The following MICALL1 variants were observed in gnomAD, a reference collection of about 807,000 sequenced individuals.
MICALL1 encodes the protein MICAL like 1.
MICALL1 carries 61 observed loss-of-function variants against 83.7 expected under a neutral mutation model. The ratio of observed to expected loss-of-function variants is 0.73; its 90% CI spans 0.59 to 0.90. MICALL1 has a LOEUF of 0.90. Among genes scored for constraint, MICALL1 ranks in the 40% least tolerant of loss-of-function variants. The probability of loss-of-function intolerance (pLI) is 0.00; values close to 1 mark genes in which losing one functional copy is unlikely to be tolerated. For synonymous variants in MICALL1, 481 were observed against 473.6 expected, an observed-to-expected ratio of 1.02 and a Z score of -0.20; for missense variants, 1,066 against 1,152.0, an observed-to-expected ratio of 0.93 and a Z score of 1.08.
intron 5 of MICALL1, among the ~76,000 whole-genome samples, chr22:37,919,671 A>G (rs1055324455): frequency 6.6e-6 from 1 of 150,528 alleles, no homozygotes; most frequent in African/African-American, 2.4e-5. Context: ...TTGAAAAAAT[A>G]AAATGAAATA....
At position 37,932,420 on chromosome 22, in the gene MICALL1, C is replaced by T. The variant is rs1347016516; in HGVS notation, c.2017-133C>T. On this transcript the variant is annotated intron_variant, in intron 10 of 15. Coordinates refer to ENST00000215957, the MANE Select transcript of MICALL1 (RefSeq NM_033386.4). The surrounding 1 kb of genome is among the most constrained non-coding windows in gnomAD (Gnocchi z 4.4). ...GGCCCCTTCCCCACTGGGACCCTGC[C>T]TTCTTACCATGCTGGGGTGGGGGAC... is the stretch of plus-strand genomic sequence containing the variant. The T allele has an allele frequency of 1.4e-6, 2 of 1,428,338 alleles. No homozygotes were observed. Among genetic ancestry groups the T allele is most frequent in the African/African-American group, 2.8e-5 (2 of 70,402 alleles). 88.5% of individuals were successfully genotyped at this position (1,428,338 alleles called of 1,614,324 possible). A position where few individuals can be genotyped will look rare whatever the true frequency, so the allele number is the denominator to read the frequency against.
Position 37,918,415 on chromosome 22 carries a change from GCTC to G in MICALL1, c.427-619_427-617del, listed in dbSNP as rs770852002. On this transcript the variant is annotated intron_variant, in intron 4 of 15. Transcript: ENST00000215957. ...AGTGTGTAAAGGGCCTTCCCCTCCT[GCTC>G]CCATCTGCTCTTTGCTGGAGGGAGC... is the stretch of plus-strand genomic sequence containing the variant. Among the ~76,000 whole-genome samples the G allele has an allele frequency of 1.4e-3, 214 of 152,300 alleles. 1 individual carries two copies. Among genetic ancestry groups the G allele is most frequent in the Admixed American group, 2.4e-3 (37 of 15,306 alleles).
Position 37,937,151 on chromosome 22 carries a change from C to A in MICALL1, c.2380C>A (p.Gln794Lys), listed in dbSNP as rs528498813. 1.3e-6 allele frequency: 2 copies of A among 1,551,132 alleles called. No individual in the cohort carries two copies. Among genetic ancestry groups the A allele is most frequent in the Admixed American group, 2.0e-5 (1 of 50,904 alleles). Reference sequence around the variant, plus strand: ...GCAGGAGCTTGTGACCCTCATTGAGCAGCGCAACGCTATCATCAACTGCCT... The same window carrying A: ...GCAGGAGCTTGTGACCCTCATTGAGAAGCGCAACGCTATCATCAACTGCCT... ...LMQELVTLIE[Q>K]RNAIINCLDE... The change falls in exon 14 of 16, where the codon CAG (glutamine) becomes AAG (lysine). Residue 794 changes from glutamine to lysine, a missense_variant. Physicochemically the swap from Gln to Lys is moderately conservative, Grantham distance 53. Transcript: ENST00000215957.
rs1569142851 is a variant in MICALL1 at position 37,924,692 on chromosome 22, AG to A, written c.1062del (p.Thr355HisfsTer212). 6.2e-7 allele frequency: 1 copy of A among 1,611,884 alleles called. No individual in the cohort carries two copies. The highest frequency in any genetic ancestry group is 8.5e-7 in the Non-Finnish European group (1 of 1,178,912). On this transcript the variant is annotated frameshift_variant, in exon 7 of 16. Coordinates refer to ENST00000215957, the MANE Select transcript of MICALL1 (RefSeq NM_033386.4). LOFTEE classifies it high-confidence loss of function. The surrounding 1 kb of genome is among the most constrained non-coding windows in gnomAD (Gnocchi z 5.2). Reference sequence around the variant, plus strand: ...GCACGAACTGCCTGTCCCCAAGCCGAGGGGGACACCGAAGCCGTCCGAGGGG... The same window carrying A: ...GCACGAACTGCCTGTCCCCAAGCCGAGGGGACACCGAAGCCGTCCGAGGGG... Reference protein sequence around the residue: ...RLHELPVPKPRGTPKPSEGTP... With the variant: ...RLHELPVPKPXGTPKPSEGTP...
Position 37,924,858 on chromosome 22 carries a change from C to A in MICALL1, c.1082+141C>A. 1 of 753,938 alleles carries A rather than the reference C, an allele frequency of 1.3e-6. No homozygotes were observed. The highest frequency in any genetic ancestry group is 2.1e-6 in the Non-Finnish European group (1 of 479,074). The allele number at this position is 753,938 out of a possible 1,614,324, so 46.7% of individuals were successfully genotyped here. A position where few individuals can be genotyped will look rare whatever the true frequency, so the allele number is the denominator to read the frequency against. On this transcript the variant is annotated intron_variant, in intron 7 of 15. Coordinates refer to ENST00000215957, the MANE Select transcript of MICALL1 (RefSeq NM_033386.4). This position sits in a 1 kb window ranked among gnomAD's most constrained non-coding sequence, Gnocchi z 5.2. ...GAGGGGAAGGAGAGCTGGGCCCACA[C>A]CCCTTCTCCTGAGGCTCACCCCGGG...
rs1929833454 is a variant in MICALL1, at chr22:37,932,332, C to T, written c.2017-221C>T. Among the ~76,000 whole-genome samples, 1 of 152,196 alleles carries T rather than the reference C, an allele frequency of 6.6e-6. No homozygotes were observed. Among genetic ancestry groups the T allele is most frequent in the African/African-American group, 2.4e-5 (1 of 41,456 alleles). On this transcript the variant is annotated intron_variant, in intron 10 of 15. Coordinates refer to ENST00000215957, the MANE Select transcript of MICALL1 (RefSeq NM_033386.4). This position sits in a 1 kb window ranked among gnomAD's most constrained non-coding sequence, Gnocchi z 4.4. ...CCGTGAAGGGCAGGGAGTCATGCCACCTTCTGGAGTGTCTGTTGGTGCTGG... is the reference window on the plus strand; with the variant it reads ...CCGTGAAGGGCAGGGAGTCATGCCATCTTCTGGAGTGTCTGTTGGTGCTGG...
intron 1 of MICALL1, among the ~76,000 whole-genome samples, chr22:37,907,705 C>T (rs973907704): frequency 4.6e-5 from 7 of 152,196 alleles, no homozygotes; most frequent in African/African-American, 1.7e-4. Context: ...GCAGGTGCAC[C>T]TGGTTTACCT....
At position 37,922,034 on chromosome 22, in the gene MICALL1, C is replaced by T; in HGVS notation, c.632C>T (p.Thr211Ile). The T allele has an allele frequency of 2.5e-6, 4 of 1,612,760 alleles. No individual in the cohort carries two copies. Among genetic ancestry groups the T allele is most frequent in the East Asian group, 4.5e-5 (2 of 44,876 alleles). Reference protein sequence around the residue: ...GAYENGPEEGTFVCAEHCARL... With the variant: ...GAYENGPEEGIFVCAEHCARL... ...TATGAGAATGGGCCTGAGGAGGGCA[C>T]CTTTGTGTGTGCAGAACACTGTGCC... The change falls in exon 6 of 16, where the codon ACC becomes ATC. Residue 211 changes from threonine to isoleucine, a missense_variant. Transcript: ENST00000215957.
intron 13 of MICALL1, among the ~76,000 whole-genome samples, chr22:37,935,596 A>G (rs1930073268): frequency 1.3e-5 from 2 of 151,916 alleles, no homozygotes; most frequent in South Asian, 4.1e-4. Context: ...TGTGACATCC[A>G]GGCTGAAGTG....
intron 9 of MICALL1, among the ~76,000 whole-genome samples, chr22:37,928,230 G>A (rs752584006): frequency 6.7e-5 from 10 of 149,116 alleles, no homozygotes; most frequent in Non-Finnish European, 1.0e-4. Context: ...TTTTTGAGAC[G>A]GAGTCTCGCT....
Position 37,932,681 on chromosome 22 carries a change from T to C in MICALL1, c.2143+2T>C. The C allele has an allele frequency of 1.2e-6, 2 of 1,613,462 alleles. No homozygotes were observed. Among genetic ancestry groups the C allele is most frequent in the East Asian group, 2.2e-5 (1 of 44,846 alleles). Reference sequence around the variant, plus strand: ...AGAAGCTGCGTGGCGGCCTGAATGGTGCGGGAGCGGCTGGGAGGGCCTGCT... The same window carrying C: ...AGAAGCTGCGTGGCGGCCTGAATGGCGCGGGAGCGGCTGGGAGGGCCTGCT... On this transcript the variant is annotated splice_donor_variant, in intron 11 of 15. Transcript: ENST00000215957. LOFTEE classifies it high-confidence loss of function. This position sits in a 1 kb window ranked among gnomAD's most constrained non-coding sequence, Gnocchi z 4.4.
At position 37,927,419 on chromosome 22, in the gene MICALL1, G is replaced by T. The variant is rs775898321; in HGVS notation, c.1474G>T (p.Ala492Ser). The T allele has an allele frequency of 4.4e-6, 7 of 1,580,912 alleles. No homozygotes were observed. Among genetic ancestry groups the T allele is most frequent in the Non-Finnish European group, 6.0e-6 (7 of 1,163,668 alleles). ...GGTGCTCGTCCGCACAGCTCTCCAC[G>T]CCTCCCGCCTCTCGCACTCGGAGCC... Reference protein sequence around the residue: ...APSASPLALHASRLSHSEPPS... With the variant: ...APSASPLALHSSRLSHSEPPS... The change falls in exon 9 of 16, where the codon GCC becomes TCC. Residue 492 changes from alanine (A) to serine (S), a missense_variant. Transcript: ENST00000215957.
In MICALL1 at chr22:37,942,790, C is replaced by G. The variant is rs776738418; in HGVS notation, c.*1960C>G. 123 of 152,512 alleles carry G rather than the reference C, an allele frequency of 8.1e-4. No individual in the cohort carries two copies. The highest frequency in any genetic ancestry group is 1.5e-3 in the Non-Finnish European group (102 of 68,218). 9.4% of individuals were successfully genotyped at this position (152,512 alleles called of 1,614,324 possible). On this transcript the variant is annotated 3_prime_UTR_variant, in exon 16 of 16. Transcript: ENST00000215957. Reference sequence around the variant, plus strand: ...TGCTGGGATTACAGGCGTGAGCCACCACGCCCGGCCACTAGCCTGAATTTC... The same window carrying G: ...TGCTGGGATTACAGGCGTGAGCCACGACGCCCGGCCACTAGCCTGAATTTC...
At chr22:37,910,847 T>G (rs1928273284) in intron 1 of MICALL1, among the ~76,000 whole-genome samples, 1 of 152,112 alleles carries the variant, frequency 6.6e-6, no homozygotes, top group Non-Finnish European at 1.5e-5. Flanking sequence ...CTTTTCCTGA[T>G]TTGCACATGG....
chr22:37,936,893 A>G (rs1930155708), intron 13 of MICALL1, among the ~76,000 whole-genome samples, 187 bp from the exon 14 acceptor site: 2 of 151,268 alleles, frequency 1.3e-5, no homozygotes, highest in Admixed American at 6.6e-5. Flanking sequence ...CTCCGTCTCA[A>G]AAAAAAAAAC....
At chr22:37,933,244 C>G in intron 13 of MICALL1, 132 bp downstream of exon 13, 13 of 878,676 alleles carry the variant, frequency 1.5e-5, no homozygotes, top group Non-Finnish European at 2.1e-5. Flanking sequence ...GGAGGAGGTG[C>G]GGGGCAGGGC....
chr22:37,922,384 G>A lies in MICALL1; in HGVS notation c.982G>A (p.Glu328Lys). Residue 328 changes from glutamate to lysine, a missense_variant, in exon 6 of 16, where the codon GAG becomes AAG. Transcript: ENST00000215957. ...CCGGCCCCGCTCCAGTCTGCAGCAG[G>A]AGAACCTGGTGGAGCAGGCTGGCAG... ...TPRPRSSLQQENLVEQAGSSS... is the reference protein window; with the variant it reads ...TPRPRSSLQQKNLVEQAGSSS... The A allele has an allele frequency of 2.6e-6, 4 of 1,534,940 alleles. No homozygotes were observed. The highest frequency in any genetic ancestry group is 3.5e-6 in the Non-Finnish European group (4 of 1,143,662).
chr22:37,934,134 G>T (rs1288054607), intron 13 of MICALL1, among the ~76,000 whole-genome samples: 1 of 152,216 alleles, frequency 6.6e-6, no homozygotes, highest in South Asian at 2.1e-4. Context: ...TGGCTAGCCC[G>T]GCCCCAGGGC....
Position 37,930,657 on chromosome 22 carries a change from G to A in MICALL1, c.1882-1142G>A, listed in dbSNP as rs939970937. Among the ~76,000 whole-genome samples the A allele has an allele frequency of 6.6e-6, 1 of 152,246 alleles. No homozygotes were observed. Among genetic ancestry groups the A allele is most frequent in the African/African-American group, 2.4e-5 (1 of 41,476 alleles). ...CCCGTGTGGTGGGCAGGGCCTTGCC[G>A]TGCCCTGGCAGTGGAGCTGCCCGGC... On this transcript the variant is annotated intron_variant, in intron 9 of 15. Coordinates refer to ENST00000215957, the MANE Select transcript of MICALL1 (RefSeq NM_033386.4). This position sits in a 1 kb window ranked among gnomAD's most constrained non-coding sequence, Gnocchi z 4.8.
Sources: allele counts gnomAD v4.1 joint callset (sites outside exome capture counted in the v4.1 genomes callset), GRCh38; gene constraint gnomAD v4.1.1; non-coding constraint Gnocchi (gnomAD v3.1); transcripts MANE v1.5; gene names NCBI Gene and HGNC (gene_info 2026-07-23, HGNC 2026-07-21).